Variants in DDB1 observed in about 807,000 individuals in gnomAD.
DDB1 encodes DNA damage-binding protein 1.
Under a neutral mutation model 133.1 loss-of-function variants are expected in DDB1, and 18 were observed. That is an observed-to-expected ratio of 0.14 (90% CI 0.09 to 0.20). The LOEUF is 0.20. Ranked by LOEUF, DDB1 falls within the 10% of genes least tolerant of loss-of-function variation. The pLI is 1.00. For synonymous variants in DDB1, 580 were observed against 550.5 expected (o/e 1.05, Z -0.75); for missense variants, 828 against 1,459.2 (o/e 0.57, Z 7.05).
At position 61,328,595 on chromosome 11, in the gene DDB1, G is replaced by A. The variant is rs370024657; in HGVS notation, c.549+768C>T. Among the ~76,000 whole-genome samples the A allele has an allele frequency of 1.2e-4, 19 of 152,292 alleles. No individual in the cohort carries two copies. The East Asian group carries it at 1.9e-3, about 15-fold the overall frequency. ...AGAAGTTAAGAGCCAGCAAGTTGCC[G>A]AGCACGGTGGCTCACGTCTGAAATC... is the stretch of plus-strand genomic sequence containing the variant. On this transcript the variant is annotated intron_variant, in intron 4 of 26. Transcript: ENST00000301764.
At chr11:61,311,694 T>C in intron 18 of DDB1, 90 bp downstream of exon 18, 2 of 1,198,496 alleles carry the variant, frequency 1.7e-6, no homozygotes, top group Non-Finnish European at 2.3e-6. Flanking sequence ...CCACACTGCC[T>C]GCAAAGCCGA....
At chr11:61,308,287 G>A (rs1188043874) in intron 21 of DDB1, among the ~76,000 whole-genome samples, 5 of 152,082 alleles carry the variant, frequency 3.3e-5, no homozygotes, top group African/African-American at 1.2e-4. Flanking sequence ...CCAAGCACAG[G>A]TAGGGTTCTT....
intron 20 of DDB1, among the ~76,000 whole-genome samples, 170 bp from the exon 21 acceptor site, chr11:61,309,247 C>A (rs1157026716): frequency 2.0e-5 from 3 of 152,036 alleles, no homozygotes; most frequent in Non-Finnish European, 4.4e-5. Context: ...GAAGTATGAG[C>A]CCCAAGATAA....
intron 25 of DDB1, 64 bp downstream of exon 25, chr11:61,302,193 G>A (rs2134891798): frequency 7.2e-7 from 1 of 1,392,088 alleles, no homozygotes; most frequent in South Asian, 1.2e-5. Flanking sequence ...CGGGTAATGT[G>A]ACTCCGTGTG....
chr11:61,300,247 G>A (rs1392658678), intron 26 of DDB1, 28 bp from the exon 27 acceptor site: 1 of 1,608,438 alleles, frequency 6.2e-7, no homozygotes, highest in African/African-American at 1.3e-5. Context: ...GCGGGGCTGT[G>A]AGGACCAAGA....
intron 12 of DDB1, 171 bp from the exon 13 acceptor site, chr11:61,314,657 T>C (rs961524438): frequency 6.0e-6 from 4 of 664,458 alleles, no homozygotes; most frequent in African/African-American, 3.7e-5. Context: ...CATTTTTGCA[T>C]GAATGCCTGA....
Position 61,313,616 on chromosome 11 carries a change from G to A in DDB1, c.1952C>T (p.Ala651Val). Residue 651 changes from alanine (A) to valine (V), a missense_variant, in exon 16 of 27, where the codon GCT becomes GTT. By Grantham distance (64) the Ala-to-Val change is moderately conservative. This residue lies in a region of DDB1 where 396 missense variants were observed against 554.1 expected (regional missense o/e 0.71). Transcript: ENST00000301764. ...GATGACAGTGGGGCGGTCAGAACAA[G>A]CAAAGACGTTGGTGGTAGAAAGAGA... ...FRSLSTTNVFACSDRPTVIYS... is the reference protein window; with the variant it reads ...FRSLSTTNVFVCSDRPTVIYS... 6.2e-7 allele frequency: 1 copy of A among 1,614,164 alleles called. No homozygotes were observed. Among genetic ancestry groups the A allele is most frequent in the Non-Finnish European group, 8.5e-7 (1 of 1,180,040 alleles).
At chr11:61,301,945 TTG>T (rs953801496) in intron 25 of DDB1, 124 of 240,156 alleles carry the variant, frequency 5.2e-4, no homozygotes, top group African/African-American at 2.7e-3. Flanking sequence ...TGCTCCTGTG[TTG>T]TGATCTAAAT....
chr11:61,309,049 T>C lies in DDB1; in HGVS notation c.2595A>G (p.Glu865=). ...CCATAGAGTACACGGCCCCTTTCACTTCCTTTTCAGCCACAGTCTGTAGTT... is the reference window on the plus strand; with the variant it reads ...CCATAGAGTACACGGCCCCTTTCACCTCCTTTTCAGCCACAGTCTGTAGTT... The part of the protein sequence containing the change: ...DGKLQTVAEK[E]VKGAVYSMVE... The change falls in exon 21 of 27, where the codon GAA becomes GAG. Residue 865 remains glutamate (E), a synonymous_variant. Transcript: ENST00000301764. 1 of 1,614,174 alleles carries C rather than the reference T, an allele frequency of 6.2e-7. No homozygotes were observed. The highest frequency in any genetic ancestry group is 1.1e-5 in the South Asian group (1 of 91,084).
In DDB1 at chr11:61,316,964, T is replaced by C. The variant is rs371645674; in HGVS notation, c.1226-397A>G. ...AAGGATAGATATATATATATATATA[T>C]ATATATATATATATATATATATATA... On this transcript the variant is annotated intron_variant, in intron 10 of 26. Coordinates refer to ENST00000301764, the MANE Select transcript of DDB1 (RefSeq NM_001923.5). 2.9e-3 allele frequency among the ~76,000 whole-genome samples: 75 copies of C among 25,968 alleles called. 8 individuals carry two copies. The highest frequency in any genetic ancestry group is 7.0e-3 in the African/African-American group (67 of 9,518). The allele number at this position is 25,968 out of a possible 152,430, so 17.0% of individuals were successfully genotyped here. A position where few individuals can be genotyped will look rare whatever the true frequency, so the allele number is the denominator to read the frequency against.
chr11:61,326,278 A>G (rs1856268738), intron 5 of DDB1: 2 of 221,652 alleles, frequency 9.0e-6, no homozygotes, highest in African/African-American at 2.4e-5. Context: ...TCTATGAGGT[A>G]AAGAAATCAG....
chr11:61,309,019 T>C lies in DDB1; in HGVS notation c.2625A>G (p.Glu875=), dbSNP rs751748240. The C allele has an allele frequency of 8.7e-6, 14 of 1,614,162 alleles. No homozygotes were observed. The highest frequency in any genetic ancestry group is 1.2e-5 in the Non-Finnish European group (14 of 1,180,034). ...EVKGAVYSMV[E]FNGKLLASIN... The stretch of plus-strand genomic sequence containing the variant: ...TGCTGGCTAACAGCTTCCCGTTAAA[T>C]TCCACCATAGAGTACACGGCCCCTT... The change falls in exon 21 of 27, where the codon GAA becomes GAG. Residue 875 remains glutamate (E), a synonymous_variant. Transcript: ENST00000301764.
chr11:61,303,406 G>T, intron 22 of DDB1: 1 of 423,770 alleles, frequency 2.4e-6, no homozygotes, highest in Non-Finnish European at 4.3e-6. Context: ...TACTTAATCA[G>T]GGCCGGGCAC....
chr11:61,328,434 T>C (rs375452259), intron 4 of DDB1, among the ~76,000 whole-genome samples: 2 of 152,346 alleles, frequency 1.3e-5, no homozygotes, highest in African/African-American at 2.4e-5. Context: ...CATGGCCCTT[T>C]GTTAAAGGGC....
chr11:61,331,509 C>T (rs1856367898), intron 2 of DDB1, 34 bp downstream of exon 2: 2 of 1,603,638 alleles, frequency 1.2e-6, no homozygotes, highest in South Asian at 1.1e-5. Flanking sequence ...CCAACAGTTC[C>T]CCCTCCACTG....
In DDB1 at chr11:61,323,000, T is replaced by C. The variant is rs754193155; in HGVS notation, c.1005+11A>G. 1 of 1,610,484 alleles carries C rather than the reference T, an allele frequency of 6.2e-7. No individual in the cohort carries two copies. Among genetic ancestry groups the C allele is most frequent in the East Asian group, 2.2e-5 (1 of 44,846 alleles). On this transcript the variant is annotated intron_variant, in intron 8 of 26. Transcript: ENST00000301764. ...CAGCAAAAAAGAAACCAGAAACAAG[T>C]GTCTTCTCACCTTCACAAGCTGGGA...
chr11:61,332,782 G>T, intron 1 of DDB1, 126 bp downstream of exon 1: 1 of 824,120 alleles, frequency 1.2e-6, no homozygotes. Context: ...AGGTTCCTCG[G>T]CCGCCAGCGC....
intron 16 of DDB1, among the ~76,000 whole-genome samples, chr11:61,312,451 C>A (rs1450146637): frequency 6.6e-6 from 1 of 151,446 alleles, no homozygotes; most frequent in Non-Finnish European, 1.5e-5. Context: ...TTCTGTGAGT[C>A]AGGGTGGGGC....
At chr11:61,314,565 C>T (rs1363168132) in intron 12 of DDB1, 79 bp from the exon 13 acceptor site, 2 of 1,395,500 alleles carry the variant, frequency 1.4e-6, no homozygotes, top group Admixed American at 2.3e-5. Context: ...GTAAATGCAG[C>T]CCTAATAGAG....
Sources: allele counts gnomAD v4.1 joint callset (sites outside exome capture counted in the v4.1 genomes callset), GRCh38; gene constraint gnomAD v4.1.1; regional missense constraint gnomAD v4.1.1; transcripts MANE v1.5; gene names NCBI Gene and HGNC (gene_info 2026-07-23, HGNC 2026-07-21).